ORC2: variants seen among roughly 807,000 people sequenced by gnomAD.
ORC2 encodes origin recognition complex subunit 2.
A neutral mutation model predicts 77.7 loss-of-function variants in ORC2; 37 were observed. The observed-to-expected ratio is 0.48, with a 90% CI of 0.37 to 0.63. ORC2 has a LOEUF of 0.63. ORC2 is among the 20% of genes least tolerant of loss of function. ORC2 has a pLI of 0.00. For missense variants in ORC2, 557 were observed against 661.9 expected, an observed-to-expected ratio of 0.84 and a Z score of 1.74; for synonymous variants, 201 against 229.5, an observed-to-expected ratio of 0.88 and a Z score of 1.12.
intron 15 of ORC2, among the ~76,000 whole-genome samples, chr2:200,918,992 A>AT (rs2040710112): frequency 6.6e-6 from 1 of 151,836 alleles, no homozygotes; most frequent in Non-Finnish European, 1.5e-5. Flanking sequence ...ACCACACTCA[A>AT]TTAATTTTTA....
At chr2:200,924,747 G>T (rs1266591703) in intron 13 of ORC2, among the ~76,000 whole-genome samples, 2 of 152,036 alleles carry the variant, frequency 1.3e-5, no homozygotes, top group Non-Finnish European at 1.5e-5. Context: ...ACAGAATAAA[G>T]AAATAATGTT....
intron 5 of ORC2, among the ~76,000 whole-genome samples, chr2:200,947,708 A>G (rs1055231095): frequency 3.9e-5 from 6 of 152,120 alleles, no homozygotes; most frequent in African/African-American, 1.4e-4. Flanking sequence ...CTCATACCAC[A>G]AGATCGAAAT....
At chr2:200,929,904 T>C (rs1210180618) in intron 11 of ORC2, among the ~76,000 whole-genome samples, 1 of 152,072 alleles carries the variant, frequency 6.6e-6, no homozygotes, top group Non-Finnish European at 1.5e-5. Flanking sequence ...GTGGGAACAG[T>C]GGATTTCAGA....
At chr2:200,916,665 C>T (rs951183590) in intron 15 of ORC2, among the ~76,000 whole-genome samples, 4 of 152,130 alleles carry the variant, frequency 2.6e-5, no homozygotes, top group African/African-American at 9.7e-5. Context: ...CAAAAAATTT[C>T]ATTAGATAAC....
At chr2:200,952,142 T>A (rs1008155671) in intron 4 of ORC2, among the ~76,000 whole-genome samples, 1 of 152,128 alleles carries the variant, frequency 6.6e-6, no homozygotes, top group Non-Finnish European at 1.5e-5. Context: ...CTACAGTATA[T>A]CTAGTTTTCA....
intron 15 of ORC2, among the ~76,000 whole-genome samples, chr2:200,915,173 C>G (rs1041940046): frequency 1.3e-5 from 2 of 150,282 alleles, no homozygotes; most frequent in African/African-American, 5.0e-5. Flanking sequence ...TGCCACCACC[C>G]CAGCTAATTT....
chr2:200,942,832 G>A (rs2041180676), intron 5 of ORC2, 55 bp from the exon 6 acceptor site: 17 of 1,022,812 alleles, frequency 1.7e-5, no homozygotes, highest in Middle Eastern at 3.0e-4. Context: ...AGATAAAGAG[G>A]GAAATAACCT....
chr2:200,925,585 A>G (rs2040826835), intron 13 of ORC2, among the ~76,000 whole-genome samples: 1 of 152,058 alleles, frequency 6.6e-6, no homozygotes, highest in African/African-American at 2.4e-5. Flanking sequence ...ACAAATAATA[A>G]AAAATTAGCC....
At chr2:200,916,772 G>T (rs570109926) in intron 15 of ORC2, among the ~76,000 whole-genome samples, 12 of 146,798 alleles carry the variant, frequency 8.2e-5, no homozygotes, top group African/African-American at 2.8e-4. Flanking sequence ...GTGCGATCTC[G>T]GCTCACTGCA....
chr2:200,955,166 G>A (rs991018346), intron 4 of ORC2, among the ~76,000 whole-genome samples: 3 of 152,180 alleles, frequency 2.0e-5, no homozygotes, highest in African/African-American at 7.2e-5. Flanking sequence ...ACTTTTTTAA[G>A]AGACAATTTT....
At chr2:200,928,228 T>G (rs1575161172) in intron 11 of ORC2, among the ~76,000 whole-genome samples, 1 of 151,380 alleles carries the variant, frequency 6.6e-6, no homozygotes, top group Admixed American at 6.6e-5. Flanking sequence ...TGGTGGCAGG[T>G]GCCTGTAATC....
chr2:200,962,874 T>G (rs2041606465), intron 1 of ORC2, among the ~76,000 whole-genome samples: 1 of 152,238 alleles, frequency 6.6e-6, no homozygotes, highest in Non-Finnish European at 1.5e-5. Flanking sequence ...TCTCAACATC[T>G]TTTTAATTAA....
At chr2:200,939,307 C>A (rs1040222696) in intron 7 of ORC2, among the ~76,000 whole-genome samples, 2 of 152,180 alleles carry the variant, frequency 1.3e-5, no homozygotes, top group African/African-American at 2.4e-5. Context: ...TATATATCTA[C>A]ACAGCTTAAG....
chr2:200,913,315 T>C lies in ORC2; in HGVS notation c.1627A>G (p.Lys543Glu). The C allele has an allele frequency of 6.3e-7, 1 of 1,597,810 alleles. No individual in the cohort carries two copies. Among genetic ancestry groups the C allele is most frequent in the Non-Finnish European group, 8.6e-7 (1 of 1,169,376 alleles). The change falls in exon 17 of 18, where the codon AAG becomes GAG. Residue 543 changes from lysine (K) to glutamate (E), a missense_variant. Coordinates refer to ENST00000234296, the MANE Select transcript of ORC2 (RefSeq NM_006190.5). ...CTTACCTTCTTTGTTCTTATAAGCT[T>C]GTGGTCCCTAAATTCAGTTAACTGG... is the stretch of plus-strand genomic sequence containing the variant. ...RAQLTEFRDHKLIRTKKGTDG... is the reference protein window; with the variant it reads ...RAQLTEFRDHELIRTKKGTDG...
chr2:200,914,581 C>T (rs1433618672), intron 15 of ORC2, among the ~76,000 whole-genome samples: 2 of 151,934 alleles, frequency 1.3e-5, no homozygotes, highest in African/African-American at 4.8e-5. Context: ...GAGTTTGAGA[C>T]CACCCTGGGC....
rs764016953 is a variant in ORC2, at chr2:200,931,430, A to G, written c.826T>C (p.Leu276=). The change falls in exon 11 of 18, where the codon TTG becomes CTG. Residue 276 remains leucine, a synonymous_variant. Transcript: ENST00000234296. Reference sequence around the variant, plus strand: ...GAAAAGGAAGGGGAAACCTTGCTCAATAAGTTACGCAAAGTTTGCTTTAAA... The same window carrying G: ...GAAAAGGAAGGGGAAACCTTGCTCAGTAAGTTACGCAAAGTTTGCTTTAAA... ...KLDQQTLRNL[L]SKVSPSFSAE... is the part of the protein sequence containing the mutation. 2.2e-5 allele frequency: 34 copies of G among 1,554,432 alleles called. No individual in the cohort carries two copies. The highest frequency in any genetic ancestry group is 2.9e-5 in the Non-Finnish European group (34 of 1,154,744).
intron 11 of ORC2, among the ~76,000 whole-genome samples, 197 bp downstream of exon 11, chr2:200,931,142 T>C (rs2040931510): frequency 6.6e-6 from 1 of 152,166 alleles, no homozygotes; most frequent in South Asian, 2.1e-4. Context: ...TTAAAAACTG[T>C]AGAATTTCTG....
At position 200,920,282 on chromosome 2, in the gene ORC2, G is replaced by A; in HGVS notation, c.1406C>T (p.Ser469Phe). Residue 469 changes from serine (S) to phenylalanine (F), a missense_variant, in exon 15 of 18, where the codon TCT becomes TTT. By Grantham distance (155) the Ser-to-Phe change is radical. Coordinates refer to ENST00000234296, the MANE Select transcript of ORC2 (RefSeq NM_006190.5). ...SYENSLLVKQSGSLPLSSLTH... is the reference protein window; with the variant it reads ...SYENSLLVKQFGSLPLSSLTH... Reference sequence around the variant, plus strand: ...AAGGGAGCTAAGTGGCAGGGATCCAGACTGCTTTACCAGAAGAGAGTTCTC... The same window carrying A: ...AAGGGAGCTAAGTGGCAGGGATCCAAACTGCTTTACCAGAAGAGAGTTCTC... 6.2e-7 allele frequency: 1 copy of A among 1,613,918 alleles called. No individual in the cohort carries two copies. Among genetic ancestry groups the A allele is most frequent in the Non-Finnish European group, 8.5e-7 (1 of 1,179,872 alleles).
rs2041529248 is a variant in ORC2 at position 200,959,429 on chromosome 2, A to T, written c.-48T>A. Reference sequence around the variant, plus strand: ...TACACATTCTGCAGCTGCAAAATTCAGATACAGTCACCTGTAATTGGAAAA... The same window carrying T: ...TACACATTCTGCAGCTGCAAAATTCTGATACAGTCACCTGTAATTGGAAAA... On this transcript the variant is annotated 5_prime_UTR_variant, in exon 2 of 18. Transcript: ENST00000234296. 1 of 152,258 alleles carries T rather than the reference A, an allele frequency of 6.6e-6. No homozygotes were observed. Among genetic ancestry groups the T allele is most frequent in the East Asian group, 1.9e-4 (1 of 5,202 alleles). 9.4% of individuals were successfully genotyped at this position (152,258 alleles called of 1,614,324 possible). A position where few individuals can be genotyped will look rare whatever the true frequency, so the allele number is the denominator to read the frequency against.
Sources: gnomAD v4.1 joint callset for allele counts (sites outside exome capture counted in the v4.1 genomes callset) on GRCh38, gnomAD v4.1.1 for gene constraint, MANE v1.5 for transcripts, NCBI Gene and HGNC (gene_info 2026-07-23, HGNC 2026-07-21) for gene names.